ITGA10: variants seen among roughly 807,000 people sequenced by gnomAD.
The protein encoded by ITGA10 is integrin subunit alpha 10, also known as integrin alpha-10.
Under a neutral mutation model 145.2 loss-of-function variants are expected in ITGA10, and 105 were observed. The ratio of observed to expected loss-of-function variants is 0.72; its 90% CI spans 0.62 to 0.85. ITGA10 has a LOEUF of 0.85. ITGA10 is among the 40% of genes least tolerant of loss of function. The pLI is 0.00. For missense variants in ITGA10, 1,317 were observed against 1,444.5 expected (o/e 0.91, Z 1.43); for synonymous variants, 506 against 557.8 (o/e 0.91, Z 1.31).
intron 6 of ITGA10, 142 bp from the exon 7 acceptor site, chr1:145,904,342 T>C: frequency 1.3e-6 from 1 of 794,198 alleles, no homozygotes; most frequent in South Asian, 1.7e-5. Context: ...TCTCTCTGTC[T>C]CTCCCCTTCC....
At position 145,899,066 on chromosome 1, in the gene ITGA10, G is replaced by C; in HGVS notation, c.2102C>G (p.Thr701Ser). The C allele has an allele frequency of 6.2e-7, 1 of 1,614,262 alleles. No individual in the cohort carries two copies. ...RWDHQFYMRF[T>S]ASLDEWTAGA... ...AGCAGTCCATTCATCCAGTGATGCGGTGAACCTCATGTCTGAATGAAGGAG... is the reference window on the plus strand; with the variant it reads ...AGCAGTCCATTCATCCAGTGATGCGCTGAACCTCATGTCTGAATGAAGGAG... Residue 701 changes from threonine (T) to serine (S), a missense_variant, in exon 17 of 30, where the codon ACC (threonine) becomes AGC (serine). By Grantham distance (58) the Thr-to-Ser change is moderately conservative. Transcript: ENST00000369304.
chr1:145,909,204 G>A (rs1657522403), intron 1 of ITGA10, among the ~76,000 whole-genome samples: 1 of 151,552 alleles, frequency 6.6e-6, no homozygotes, highest in African/African-American at 2.4e-5. Context: ...GGAGGCTAAG[G>A]TGGAAGGATC....
intron 7 of ITGA10, among the ~76,000 whole-genome samples, chr1:145,903,823 C>T (rs1256378726): frequency 2.6e-5 from 4 of 151,940 alleles, no homozygotes; most frequent in African/African-American, 9.7e-5. Context: ...AGTAGCATGC[C>T]TCTGAACAGG....
rs587669003 is a variant in ITGA10 at position 145,894,518 on chromosome 1, T to C, written c.3228+762A>G. On this transcript the variant is annotated intron_variant, in intron 27 of 29. Transcript: ENST00000369304. ...AGAAGGGTGGTTTATTGGACTTAACTTCCCTAAAACATATGATGACATCCC... is the reference window on the plus strand; with the variant it reads ...AGAAGGGTGGTTTATTGGACTTAACCTCCCTAAAACATATGATGACATCCC... 5.3e-4 allele frequency among the ~76,000 whole-genome samples: 80 copies of C among 152,320 alleles called. 2 individuals carry two copies. In the South Asian group the frequency reaches 0.015, roughly 28 times the overall value.
chr1:145,893,020 G>T (rs1570827711), intron 29 of ITGA10, 141 bp downstream of exon 29: 1 of 896,776 alleles, frequency 1.1e-6, no homozygotes, highest in East Asian at 2.4e-5. Context: ...CAACATTTGT[G>T]GGGTACAGTG....
At position 145,906,451 on chromosome 1, in the gene ITGA10, A is replaced by G. The variant is rs1657151449; in HGVS notation, c.424T>C (p.Cys142Arg). Reference sequence around the variant, plus strand: ...TGGAATGAAGCATCCACACGGGCACATATCCCAGAACTGAAGACAGAGCTG... The same window carrying G: ...TGGAATGAAGCATCCACACGGGCACGTATCCCAGAACTGAAGACAGAGCTG... ...CGSSVFSSGI[C>R]ARVDASFQPQ... The change falls in exon 5 of 30, where the codon TGT becomes CGT. Residue 142 changes from cysteine to arginine, a missense_variant. By Grantham distance (180) the Cys-to-Arg change is radical. Coordinates refer to ENST00000369304, the MANE Select transcript of ITGA10 (RefSeq NM_003637.5). 1 of 1,614,022 alleles carries G rather than the reference A, an allele frequency of 6.2e-7. No homozygotes were observed. The highest frequency in any genetic ancestry group is 8.5e-7 in the Non-Finnish European group (1 of 1,180,048).
In ITGA10 at chr1:145,899,345, G is replaced by T; in HGVS notation, c.1923-4C>A. ...CAGATGGACAATGGGCCGGGAGCTGGGAACAGTGTGGAAAAGAAATTCTAG... is the reference window on the plus strand; with the variant it reads ...CAGATGGACAATGGGCCGGGAGCTGTGAACAGTGTGGAAAAGAAATTCTAG... On this transcript the variant is annotated splice_region_variant and splice_polypyrimidine_tract_variant and intron_variant, in intron 15 of 29. Transcript: ENST00000369304. 1.2e-6 allele frequency: 2 copies of T among 1,612,674 alleles called. No individual in the cohort carries two copies. Among genetic ancestry groups the T allele is most frequent in the Non-Finnish European group, 1.7e-6 (2 of 1,179,074 alleles).
chr1:145,902,271 AT>A lies in ITGA10; in HGVS notation c.1123del (p.Ile375LeufsTer8). Reference sequence around the variant, plus strand: ...CTTTAGCCGATGAGTGGAGAAACCAATCTGAGACATTTCCAGCCCAAAGGAG... The same window carrying A: ...CTTTAGCCGATGAGTGGAGAAACCAACTGAGACATTTCCAGCCCAAAGGAG... ...ESSFGLEMSQ[I>X]GFSTHRLKDG... On this transcript the variant is annotated frameshift_variant, in exon 10 of 30. Transcript: ENST00000369304. LOFTEE classifies it high-confidence loss of function. 3.1e-6 allele frequency: 5 copies of A among 1,614,178 alleles called. No homozygotes were observed. The highest frequency in any genetic ancestry group is 4.2e-6 in the Non-Finnish European group (5 of 1,180,024).
At chr1:145,893,450 T>C (rs782543914) in intron 28 of ITGA10, 90 bp downstream of exon 28, 2 of 1,048,372 alleles carry the variant, frequency 1.9e-6, no homozygotes, top group Admixed American at 4.0e-5. Flanking sequence ...CTGATGGAGA[T>C]GCCTTCGTTC....
At chr1:145,904,559 G>T in intron 6 of ITGA10, 125 bp downstream of exon 6, 2 of 984,904 alleles carry the variant, frequency 2.0e-6, no homozygotes, top group Non-Finnish European at 3.0e-6. Flanking sequence ...CATATTTTTA[G>T]AGATGAGGTC....
In ITGA10 at chr1:145,893,643, A is replaced by G. The variant is rs1169203725; in HGVS notation, c.3229-8T>C. 5.6e-5 allele frequency: 90 copies of G among 1,603,954 alleles called. No individual in the cohort carries two copies. Among genetic ancestry groups the G allele is most frequent in the Non-Finnish European group, 7.6e-5 (89 of 1,172,332 alleles). On this transcript the variant is annotated splice_region_variant and splice_polypyrimidine_tract_variant and intron_variant, in intron 27 of 29. Transcript: ENST00000369304. ...CAGGGACTTGAACTTGGCCTATGGA[A>G]CAAGTGGATAGGAAGACATTTAAAA...
In ITGA10 at chr1:145,902,328, T is replaced by C. The variant is rs1656456112; in HGVS notation, c.1076-9A>G. ...GTTTTCTGCATGGGACCCTTGGTCATGAGAAAACATTGAGACAATATCAGG... is the reference window on the plus strand; with the variant it reads ...GTTTTCTGCATGGGACCCTTGGTCACGAGAAAACATTGAGACAATATCAGG... On this transcript the variant is annotated splice_polypyrimidine_tract_variant and intron_variant, in intron 9 of 29. Coordinates refer to ENST00000369304, the MANE Select transcript of ITGA10 (RefSeq NM_003637.5). The C allele has an allele frequency of 5.0e-6, 8 of 1,613,724 alleles. No individual in the cohort carries two copies. The highest frequency in any genetic ancestry group is 6.8e-6 in the Non-Finnish European group (8 of 1,179,738).
In ITGA10 at chr1:145,895,641, G is replaced by C. The variant is rs782529942; in HGVS notation, c.3104C>G (p.Thr1035Arg). The C allele has an allele frequency of 6.2e-7, 1 of 1,614,158 alleles. No homozygotes were observed. Among genetic ancestry groups the C allele is most frequent in the East Asian group, 2.2e-5 (1 of 44,888 alleles). ...PPVHPEELQH[T>R]NRLNGSNTQC... is the part of the protein sequence containing the mutation. ...CTTTGTGACTCATACCAGTCTGTTTGTGTGTTGAAGCTCCTCTGGATGCAC... is the reference window on the plus strand; with the variant it reads ...CTTTGTGACTCATACCAGTCTGTTTCTGTGTTGAAGCTCCTCTGGATGCAC... The change falls in exon 26 of 30, where the codon ACA becomes AGA. Residue 1035 changes from threonine to arginine, a missense_variant. By Grantham distance (71) the Thr-to-Arg change is moderately conservative. Transcript: ENST00000369304.
Position 145,901,601 on chromosome 1 carries a change from C to G in ITGA10, c.1358G>C (p.Arg453Pro). ...GRRLFLSGAP[R>P]FRHRGKVIAF... ...GATGACTTTTCCTCGATGTCTAAAT[C>G]GAGGAGCCCCAGAGAGAAACAGGCG... The change falls in exon 12 of 30, where the codon CGA (arginine) becomes CCA (proline). Residue 453 changes from arginine (R) to proline (P), a missense_variant. Physicochemically the swap from Arg to Pro is moderately radical, Grantham distance 103 (BLOSUM62 -2). Coordinates refer to ENST00000369304, the MANE Select transcript of ITGA10 (RefSeq NM_003637.5). The surrounding 1 kb of genome is among the most constrained non-coding windows in gnomAD (Gnocchi z 4.3). The G allele has an allele frequency of 1.2e-6, 2 of 1,606,552 alleles. No individual in the cohort carries two copies. The highest frequency in any genetic ancestry group is 2.2e-5 in the South Asian group (2 of 90,078).
chr1:145,899,930 A>G (rs1362766768), intron 15 of ITGA10, 127 bp downstream of exon 15: 2 of 916,992 alleles, frequency 2.2e-6, no homozygotes, highest in Non-Finnish European at 3.3e-6. Context: ...CTGTCATTTT[A>G]TAAACTAAGA....
In ITGA10 at chr1:145,896,012, G is replaced by A; in HGVS notation, c.3004C>T (p.Leu1002=). The A allele has an allele frequency of 6.2e-7, 1 of 1,613,764 alleles. No homozygotes were observed. Among genetic ancestry groups the A allele is most frequent in the Non-Finnish European group, 8.5e-7 (1 of 1,179,716 alleles). The change falls in exon 25 of 30, where the codon CTA becomes TTA. Residue 1002 remains leucine (L), a synonymous_variant. Coordinates refer to ENST00000369304, the MANE Select transcript of ITGA10 (RefSeq NM_003637.5). ...TTAGTGATGACTTGAGACAGTGATA[G>A]GAAGTAATTGCCCCCATGGGCCACA... is the stretch of plus-strand genomic sequence containing the variant. ...PAVAHGGNYF[L]SLSQVITNNA... is the part of the protein sequence containing the mutation.
chr1:145,897,516 G>T lies in ITGA10; in HGVS notation c.2570C>A (p.Pro857His). ...CACCCCCTCCTCCAAAGGCACCTGA[G>T]GAGTGAGACTGGCCAGGTGGAGGTT... is the stretch of plus-strand genomic sequence containing the variant. Reference protein sequence around the residue: ...SRNLHLASLTPQRESPIKVEC... With the variant: ...SRNLHLASLTHQRESPIKVEC... The change falls in exon 20 of 30, where the codon CCT becomes CAT. Residue 857 changes from proline to histidine, a missense_variant. Physicochemically the swap from Pro to His is moderately conservative, Grantham distance 77 (BLOSUM62 -2). Coordinates refer to ENST00000369304, the MANE Select transcript of ITGA10 (RefSeq NM_003637.5). 3 of 1,614,060 alleles carry T rather than the reference G, an allele frequency of 1.9e-6. No homozygotes were observed. Among genetic ancestry groups the T allele is most frequent in the Non-Finnish European group, 2.5e-6 (3 of 1,179,972 alleles).
At position 145,902,298 on chromosome 1, in the gene ITGA10, C is replaced by T; in HGVS notation, c.1097G>A (p.Ser366Asn). The T allele has an allele frequency of 6.2e-7, 1 of 1,614,150 alleles. No individual in the cohort carries two copies. The highest frequency in any genetic ancestry group is 8.5e-7 in the Non-Finnish European group (1 of 1,180,016). Residue 366 changes from serine to asparagine, a missense_variant, in exon 10 of 30, where the codon AGC becomes AAC. Physicochemically the swap from Ser to Asn is conservative, Grantham distance 46. Coordinates refer to ENST00000369304, the MANE Select transcript of ITGA10 (RefSeq NM_003637.5). Reference protein sequence around the residue: ...GLEGSHAENESSFGLEMSQIG... With the variant: ...GLEGSHAENENSFGLEMSQIG... ...CTGAGACATTTCCAGCCCAAAGGAG[C>T]TTTCGTTTTCTGCATGGGACCCTTG...
Position 145,907,470 on chromosome 1 carries a change from G to T in ITGA10, c.53-5C>A. ...GGTTAAAGGGGGAGCAGAGACCTGTGGGGTCAGGATCATAATGTTAGTATG... is the reference window on the plus strand; with the variant it reads ...GGTTAAAGGGGGAGCAGAGACCTGTTGGGTCAGGATCATAATGTTAGTATG... On this transcript the variant is annotated splice_polypyrimidine_tract_variant and splice_region_variant and intron_variant, in intron 1 of 29. Transcript: ENST00000369304. 1 of 1,614,098 alleles carries T rather than the reference G, an allele frequency of 6.2e-7. No homozygotes were observed. Among genetic ancestry groups the T allele is most frequent in the Non-Finnish European group, 8.5e-7 (1 of 1,180,000 alleles).
Sources: allele counts gnomAD v4.1 joint callset (sites outside exome capture counted in the v4.1 genomes callset), GRCh38; gene constraint gnomAD v4.1.1; non-coding constraint Gnocchi (gnomAD v3.1); transcripts MANE v1.5; gene names NCBI Gene and HGNC (gene_info 2026-07-23, HGNC 2026-07-21).